Variants in SNAPC5 observed in about 807,000 individuals in gnomAD.
SNAPC5 encodes the protein snRNA-activating protein complex subunit 5.
SNAPC5 carries 12 observed loss-of-function variants against 9.1 expected under a neutral mutation model. The ratio of observed to expected loss-of-function variants is 1.32; its 90% confidence interval spans 0.85 to 2.15. The LOEUF is 2.15. SNAPC5 is among the 30% of genes most tolerant of loss of function. SNAPC5 has a pLI of 0.00. For missense variants in SNAPC5, 132 were observed against 114.4 expected, an observed-to-expected ratio of 1.15 and a Z score of -0.70; for synonymous variants, 52 against 47.3, an observed-to-expected ratio of 1.10 and a Z score of -0.41.
chr15:66,489,792 G>A (rs2140684545), downstream of SNAPC5: 3 of 1,579,756 alleles, frequency 1.9e-6, no homozygotes, highest in Non-Finnish European at 2.6e-6. Flanking sequence ...GATTCTTACA[G>A]TACCTGTTTA....
intron 2 of SNAPC5, chr15:66,495,117 T>C (rs1893381975): frequency 7.0e-6 from 4 of 568,954 alleles, no homozygotes; most frequent in Admixed American, 5.9e-5. Flanking sequence ...GGTAAAACAT[T>C]AGTAACTACT....
At chr15:66,489,904 A>C, downstream of SNAPC5, 1 of 789,514 alleles carries the variant, frequency 1.3e-6, no homozygotes, top group Non-Finnish European at 2.3e-6. Flanking sequence ...AGAATACCAA[A>C]CACCAGTCTC....
chr15:66,492,352 A>G (rs1490412145), downstream of SNAPC5: 1 of 228,104 alleles, frequency 4.4e-6, no homozygotes, highest in Non-Finnish European at 8.8e-6. Context: ...AGGTAGTCCA[A>G]TCTAGAGGTA....
rs769603276 is a variant in SNAPC5 at position 66,497,694 on chromosome 15, T to G, written c.38A>C (p.Glu13Ala). The G allele has an allele frequency of 9.9e-6, 16 of 1,613,692 alleles. No individual in the cohort carries two copies. The East Asian group carries it at 3.6e-4, about 36-fold the overall frequency. Residue 13 changes from glutamate to alanine, a missense_variant, in exon 1 of 3, where the codon GAG (glutamate) becomes GCG (alanine). By Grantham distance (107) the Glu-to-Ala change is moderately radical. Transcript: ENST00000316634. ...SRLQELRKEEETLLRLKAALH... is the reference protein window; with the variant it reads ...SRLQELRKEEATLLRLKAALH... Reference sequence around the variant, plus strand: ...GGCTGCCTTCAACCGCAGCAGCGTCTCCTCCTCCTTGCGCAGTTCCTGAAG... The same window carrying G: ...GGCTGCCTTCAACCGCAGCAGCGTCGCCTCCTCCTTGCGCAGTTCCTGAAG...
chr15:66,490,017 C>A (rs1595889009), downstream of SNAPC5: 1 of 587,430 alleles, frequency 1.7e-6, no homozygotes, highest in African/African-American at 1.9e-5. Context: ...AAAGAAAAGG[C>A]CAGCCCACCC....
chr15:66,495,317 TG>T lies in SNAPC5; in HGVS notation c.180+12del. 1 of 1,489,448 alleles carries T rather than the reference TG, an allele frequency of 6.7e-7. No homozygotes were observed. The highest frequency in any genetic ancestry group is 1.1e-5 in the South Asian group (1 of 88,598). 92.3% of individuals were successfully genotyped at this position (1,489,448 alleles called of 1,614,324 possible). On this transcript the variant is annotated intron_variant, in intron 2 of 2. Coordinates refer to ENST00000316634, the MANE Select transcript of SNAPC5 (RefSeq NM_001329615.2). The stretch of plus-strand genomic sequence containing the variant: ...TTGCATTCTCTCCTAGGCCTGCACT[TG>T]ATTAAGCTTACATCATGTGACTGTT...
chr15:66,492,322 G>C (rs1231823718), downstream of SNAPC5: 4 of 249,956 alleles, frequency 1.6e-5, no homozygotes, highest in Admixed American at 5.2e-5. Flanking sequence ...AACAAAACTT[G>C]GGTAAATAAT....
At chr15:66,496,524 C>CTT (rs67040573) in intron 1 of SNAPC5, among the ~76,000 whole-genome samples, 81 of 141,212 alleles carry the variant, frequency 5.7e-4, no homozygotes, top group East Asian at 1.9e-3. Flanking sequence ...CTCCCTGGGA[C>CTT]TTTTTTTTTT....
intron 1 of SNAPC5, 58 bp downstream of exon 1, chr15:66,497,584 G>A (rs761540000): frequency 2.0e-6 from 3 of 1,496,286 alleles, no homozygotes; most frequent in East Asian, 2.3e-5. Context: ...GCCCAGGTTG[G>A]GGGGAAATGG....
At chr15:66,490,851 T>A, downstream of SNAPC5, 3 of 583,896 alleles carry the variant, frequency 5.1e-6, no homozygotes, top group Non-Finnish European at 9.4e-6. Flanking sequence ...TATTTGTGTG[T>A]ATGCTGATGA....
rs779200180 is a variant in SNAPC5, at chr15:66,494,450, C to T, written c.283G>A (p.Glu95Lys). ...TTCCCCCTCCTTTAGGAATCTGATT[C>T]TTCTTCCTCTTCCTCCTCCTCCTCT... ...TEEEEEEEEE[E>K]SDS is the part of the protein sequence containing the mutation. Residue 95 changes from glutamate (E) to lysine (K), a missense_variant, in exon 3 of 3, where the codon GAA becomes AAA. Physicochemically the swap from Glu to Lys is moderately conservative, Grantham distance 56. Transcript: ENST00000316634. The T allele has an allele frequency of 6.2e-7, 1 of 1,611,736 alleles. No homozygotes were observed. The highest frequency in any genetic ancestry group is 2.2e-5 in the East Asian group (1 of 44,868).
downstream of SNAPC5, chr15:66,493,392 C>A (rs112070185): frequency 6.6e-6 from 1 of 151,974 alleles, no homozygotes; most frequent in Non-Finnish European, 1.5e-5. Context: ...TAGTGGCTCA[C>A]GTGTGTAATC....
At chr15:66,497,323 C>G (rs144305004) in intron 1 of SNAPC5, among the ~76,000 whole-genome samples, 60 of 152,260 alleles carry the variant, frequency 3.9e-4, no homozygotes, top group Non-Finnish European at 7.8e-4. Context: ...GGAGGGAGCA[C>G]TTCCTCAGCG....
At chr15:66,494,681 G>A (rs553068335) in intron 2 of SNAPC5, 129 bp from the exon 3 acceptor site, 1 of 642,768 alleles carries the variant, frequency 1.6e-6, no homozygotes, top group East Asian at 2.7e-5. Flanking sequence ...TAAGAGGTAT[G>A]GCCACTTTCC....
At chr15:66,492,847 C>T (rs2140693624), downstream of SNAPC5, among the ~76,000 whole-genome samples, 1 of 152,286 alleles carries the variant, frequency 6.6e-6, no homozygotes. Context: ...ACTGCTAGAG[C>T]AGATGTGAGT....
At position 66,494,246 on chromosome 15, in the gene SNAPC5, GTA is replaced by G; in HGVS notation, c.*188_*189del. 1.6e-6 allele frequency: 1 copy of G among 619,280 alleles called. No individual in the cohort carries two copies. The highest frequency in any genetic ancestry group is 2.9e-6 in the Non-Finnish European group (1 of 343,602). The allele number at this position is 619,280 out of a possible 1,614,324, so 38.4% of individuals were successfully genotyped here. On this transcript the variant is annotated 3_prime_UTR_variant, in exon 3 of 3. Transcript: ENST00000316634. ...TAAGACACAGCATCTTTGATTTTCT[GTA>G]TGTCATAACATTCTGAAGCTTGAGT...
chr15:66,492,085 A>G, downstream of SNAPC5: 4 of 455,874 alleles, frequency 8.8e-6, no homozygotes, highest in South Asian at 6.2e-5. Context: ...TTCACCACTT[A>G]CACTTAACCA....
chr15:66,490,134 T>TA (rs1301862124), downstream of SNAPC5: 2 of 512,486 alleles, frequency 3.9e-6, no homozygotes, highest in Admixed American at 3.2e-5. Context: ...GCAGTGGAAA[T>TA]AGCTAAGTAA....
At chr15:66,495,180 C>A in intron 2 of SNAPC5, 150 bp downstream of exon 2, 1 of 680,716 alleles carries the variant, frequency 1.5e-6, no homozygotes. Context: ...GGAGAGTTGC[C>A]ACCTTATTAA....
Sources: allele counts gnomAD v4.1 joint callset (sites outside exome capture counted in the v4.1 genomes callset), GRCh38; gene constraint gnomAD v4.1.1; transcripts MANE v1.5; gene names NCBI Gene and HGNC (gene_info 2026-07-23, HGNC 2026-07-21).